Variants in PRKAA1 observed in about 807,000 individuals in gnomAD.
PRKAA1 encodes the protein 5'-AMP-activated protein kinase catalytic subunit alpha-1.
In PRKAA1, 23 loss-of-function variants were observed where a neutral mutation model predicts 56.9. The observed-to-expected ratio is 0.40, with a 90% CI of 0.29 to 0.57. The LOEUF (loss-of-function observed/expected upper bound fraction) is 0.57, where lower values mean the gene tolerates loss of function less well. Ranked by LOEUF, PRKAA1 falls within the 20% of genes least tolerant of loss-of-function variation. The probability of loss-of-function intolerance (pLI) is 0.39; values close to 1 mark genes in which losing one functional copy is unlikely to be tolerated. For synonymous variants in PRKAA1, 226 were observed against 227.0 expected, an observed-to-expected ratio of 1.00 and a Z score of 0.04; for missense variants, 413 against 679.7, an observed-to-expected ratio of 0.61 and a Z score of 4.36.
chr5:40,786,594 A>G (rs186914402), intron 1 of PRKAA1, among the ~76,000 whole-genome samples: 3 of 151,850 alleles, frequency 2.0e-5, no homozygotes, highest in Non-Finnish European at 4.4e-5. Context: ...ATTAGTAATT[A>G]GAAGACAGGC....
chr5:40,798,342 C>T lies in PRKAA1; in HGVS notation c.-153G>A, dbSNP rs1745046121. 2.8e-6 allele frequency: 1 copy of T among 362,146 alleles called. No homozygotes were observed. Among genetic ancestry groups the T allele is most frequent in the Non-Finnish European group, 4.7e-6 (1 of 213,276 alleles). The allele number at this position is 362,146 out of a possible 1,614,324, so 22.4% of individuals were successfully genotyped here. ...GCCTACGTCGGGCGCAGACGCTCCC[C>T]CTGGCGGGGCGGGCGGGGGCTGCCA... On this transcript the variant is annotated 5_prime_UTR_variant, in exon 1 of 9. Coordinates refer to ENST00000397128, the MANE Select transcript of PRKAA1 (RefSeq NM_006251.6).
chr5:40,783,629 C>A lies in PRKAA1; in HGVS notation c.128-6043G>T, dbSNP rs560399454. Among the ~76,000 whole-genome samples the A allele has an allele frequency of 3.3e-5, 5 of 152,118 alleles. No individual in the cohort carries two copies. In the South Asian group the frequency reaches 1.0e-3, roughly 32 times the overall value. On this transcript the variant is annotated intron_variant, in intron 1 of 8. Transcript: ENST00000397128. ...AAAAAATTAACCAGGCGTGTTGGCACGCACCTGTAATCCCAGCTACTTAGG... is the reference window on the plus strand; with the variant it reads ...AAAAAATTAACCAGGCGTGTTGGCAAGCACCTGTAATCCCAGCTACTTAGG...
rs190129969 is a variant in PRKAA1 at position 40,787,389 on chromosome 5, C to T, written c.128-9803G>A. On this transcript the variant is annotated intron_variant, in intron 1 of 8. Transcript: ENST00000397128. The stretch of plus-strand genomic sequence containing the variant: ...CTGAGGCAGGAGAATAGCTTGAACC[C>T]AGGAGGTGGAGGTTGGGGTGAGCCA... Among the ~76,000 whole-genome samples the T allele has an allele frequency of 2.1e-4, 32 of 151,796 alleles. No individual in the cohort carries two copies. The East Asian group carries it at 5.4e-3, about 26-fold the overall frequency.
At chr5:40,797,627 A>C (rs1196506936) in intron 1 of PRKAA1, among the ~76,000 whole-genome samples, 2 of 152,226 alleles carry the variant, frequency 1.3e-5, no homozygotes, top group Non-Finnish European at 2.9e-5. Context: ...AAATACCGAC[A>C]ACGCCAAGGA....
chr5:40,771,212 A>G (rs1354777257), intron 4 of PRKAA1, among the ~76,000 whole-genome samples: 1 of 152,214 alleles, frequency 6.6e-6, no homozygotes, highest in African/African-American at 2.4e-5. Flanking sequence ...TTAATTTTAA[A>G]GATATTTAAA....
chr5:40,787,711 G>GAAAAAAAAA (rs374323078), intron 1 of PRKAA1, among the ~76,000 whole-genome samples: 4 of 150,548 alleles, frequency 2.7e-5, no homozygotes, highest in Admixed American at 6.6e-5. Flanking sequence ...AAGATAAAAA[G>GAAAAAAAAA]AAAAAATCCA....
rs531993749 is a variant in PRKAA1 at position 40,759,822 on chromosome 5, T to C, written c.*2956A>G. On this transcript the variant is annotated 3_prime_UTR_variant, in exon 9 of 9. Transcript: ENST00000397128. ...CTACAAAAGCATCTCAAGAAAAAAA[T>C]TAGGTAAAAGCAATGGAGTTTATTT... 12 of 152,230 alleles carry C rather than the reference T, an allele frequency of 7.9e-5. No individual in the cohort carries two copies. The highest frequency in any genetic ancestry group is 8.8e-5 in the Non-Finnish European group (6 of 68,028). The allele number at this position is 152,230 out of a possible 1,614,324, so 9.4% of individuals were successfully genotyped here.
intron 1 of PRKAA1, among the ~76,000 whole-genome samples, chr5:40,792,172 C>T (rs1477794946): frequency 6.6e-6 from 1 of 152,142 alleles, no homozygotes; most frequent in Non-Finnish European, 1.5e-5. Context: ...ATTTAAGATA[C>T]AGATTTGCCC....
At chr5:40,774,896 C>T in intron 3 of PRKAA1, 2 of 1,533,676 alleles carry the variant, frequency 1.3e-6, no homozygotes, top group East Asian at 2.3e-5. Flanking sequence ...AAAGTTCCTT[C>T]CAGCTGTAAA....
rs1743145680 is a variant in PRKAA1 at position 40,760,669 on chromosome 5, T to C, written c.*2109A>G. On this transcript the variant is annotated 3_prime_UTR_variant, in exon 9 of 9. Coordinates refer to ENST00000397128, the MANE Select transcript of PRKAA1 (RefSeq NM_006251.6). ...ATTAGAAGTTGAATAGAACAAGCCC[T>C]GGACAAAAAGCAGCAAGATTTTTCT... is the stretch of plus-strand genomic sequence containing the variant. The C allele has an allele frequency of 1.3e-5, 2 of 152,704 alleles. No individual in the cohort carries two copies. Among genetic ancestry groups the C allele is most frequent in the African/African-American group, 4.8e-5 (2 of 41,442 alleles). The allele number at this position is 152,704 out of a possible 1,614,324, so 9.5% of individuals were successfully genotyped here.
At chr5:40,795,106 G>A (rs1744870409) in intron 1 of PRKAA1, among the ~76,000 whole-genome samples, 1 of 151,980 alleles carries the variant, frequency 6.6e-6, no homozygotes, top group Non-Finnish European at 1.5e-5. Context: ...TAAGAGTGGA[G>A]ACTATTATTC....
chr5:40,772,001 T>C (rs917088474), intron 3 of PRKAA1, 138 bp from the exon 4 acceptor site: 1 of 1,069,890 alleles, frequency 9.3e-7, no homozygotes, highest in Non-Finnish European at 1.3e-6. Flanking sequence ...ACTTTTGACA[T>C]GAGGAGGAGA....
At chr5:40,787,249 T>C (rs1379727636) in intron 1 of PRKAA1, among the ~76,000 whole-genome samples, 1 of 152,070 alleles carries the variant, frequency 6.6e-6, no homozygotes, top group African/African-American at 2.4e-5. Flanking sequence ...GCATATCACC[T>C]GAGGTTGGGA....
chr5:40,774,508 A>G lies in PRKAA1; in HGVS notation c.363+902T>C, dbSNP rs1378820304. On this transcript the variant is annotated intron_variant, in intron 3 of 8. Transcript: ENST00000397128. ...AACAACAACAGAAAAGATAAGAAAAATATATATCAATTGTGCCTGTTTCCC... is the reference window on the plus strand; with the variant it reads ...AACAACAACAGAAAAGATAAGAAAAGTATATATCAATTGTGCCTGTTTCCC... Among the ~76,000 whole-genome samples, 6 of 151,790 alleles carry G rather than the reference A, an allele frequency of 4.0e-5. No homozygotes were observed. The East Asian group carries it at 1.2e-3, about 29-fold the overall frequency.
chr5:40,787,403 T>TG (rs1193977962), intron 1 of PRKAA1, among the ~76,000 whole-genome samples: 1 of 151,886 alleles, frequency 6.6e-6, no homozygotes, highest in African/African-American at 2.4e-5. Context: ...AGGTGGAGGT[T>TG]GGGGTGAGCC....
intron 5 of PRKAA1, chr5:40,768,491 T>A: frequency 1.1e-6 from 1 of 934,134 alleles, no homozygotes; most frequent in Non-Finnish European, 1.3e-6. Flanking sequence ...ACACCATTTT[T>A]TTAAAAATTT....
chr5:40,769,878 TAAAAAAAA>T (rs3071208), intron 4 of PRKAA1, among the ~76,000 whole-genome samples: 3 of 109,894 alleles, frequency 2.7e-5, no homozygotes, highest in African/African-American at 1.1e-4. Context: ...TCTGATTCTT[TAAAAAAAA>T]AAAAAAAAAA....
chr5:40,790,680 C>A (rs919845049), intron 1 of PRKAA1, among the ~76,000 whole-genome samples: 4 of 152,118 alleles, frequency 2.6e-5, no homozygotes, highest in Non-Finnish European at 4.4e-5. Flanking sequence ...GCTGGGACAA[C>A]AGGCGCATGC....
At chr5:40,789,922 T>C (rs988275828) in intron 1 of PRKAA1, among the ~76,000 whole-genome samples, 7 of 152,196 alleles carry the variant, frequency 4.6e-5, no homozygotes. Flanking sequence ...TTATTAAAGA[T>C]AGATTTTCTT....
Sources: gnomAD v4.1 joint callset for allele counts (sites outside exome capture counted in the v4.1 genomes callset) on GRCh38, gnomAD v4.1.1 for gene constraint, MANE v1.5 for transcripts, NCBI Gene and HGNC (gene_info 2026-07-23, HGNC 2026-07-21) for gene names.